SGSM1: variants seen among roughly 807,000 people sequenced by gnomAD.
The protein encoded by SGSM1 is RUN and TBC1 domain containing 2.
In SGSM1, 73 loss-of-function variants were observed where a neutral mutation model predicts 133.8. The ratio of observed to expected loss-of-function variants is 0.55; its 90% confidence interval spans 0.45 to 0.66. The LOEUF is 0.66. Ranked by LOEUF, SGSM1 falls within the 30% of genes least tolerant of loss-of-function variation. The pLI is 0.00. For missense variants in SGSM1, 1,213 were observed against 1,448.1 expected (o/e 0.84, Z 2.64); for synonymous variants, 563 against 573.0 (o/e 0.98, Z 0.25).
intron 2 of SGSM1, among the ~76,000 whole-genome samples, chr22:24,825,350 T>G (rs1928737127): frequency 6.6e-6 from 1 of 152,186 alleles, no homozygotes; most frequent in Non-Finnish European, 1.5e-5. Flanking sequence ...TCCTTCCCAT[T>G]GCTCCAGTGG....
chr22:24,888,502 T>C (rs937022361), intron 16 of SGSM1, among the ~76,000 whole-genome samples: 3 of 152,188 alleles, frequency 2.0e-5, no homozygotes, highest in Non-Finnish European at 4.4e-5. Context: ...GCACGGTGGC[T>C]CACGTCTATA....
intron 21 of SGSM1, among the ~76,000 whole-genome samples, chr22:24,907,911 C>CAAAAAAA (rs796505229): frequency 1.4e-4 from 8 of 57,050 alleles, no homozygotes; most frequent in African/African-American, 2.5e-4. Flanking sequence ...GACGCCATCT[C>CAAAAAAA]AAAAAAAAAA....
chr22:24,808,077 G>T (rs928248428), intron 2 of SGSM1, among the ~76,000 whole-genome samples: 3 of 151,284 alleles, frequency 2.0e-5, no homozygotes, highest in East Asian at 1.9e-4. Flanking sequence ...TTCCAAGGGA[G>T]ATCCATCTAG....
chr22:24,854,328 T>C (rs1930651098), intron 5 of SGSM1, among the ~76,000 whole-genome samples: 1 of 152,202 alleles, frequency 6.6e-6, no homozygotes, highest in Admixed American at 6.5e-5. Flanking sequence ...GCAGACATCA[T>C]CTGAGCCTCT....
intron 2 of SGSM1, among the ~76,000 whole-genome samples, chr22:24,832,903 A>G (rs1330686389): frequency 1.3e-5 from 2 of 151,138 alleles, no homozygotes; most frequent in Admixed American, 1.3e-4. Flanking sequence ...CCTGATCTTC[A>G]CATGATCTTC....
chr22:24,909,543 C>G (rs1933541040), intron 21 of SGSM1, among the ~76,000 whole-genome samples: 1 of 152,028 alleles, frequency 6.6e-6, no homozygotes, highest in African/African-American at 2.4e-5. Context: ...GCAACCTCCA[C>G]CTCCTGGGTT....
intron 10 of SGSM1, among the ~76,000 whole-genome samples, chr22:24,867,601 C>T (rs1931529050): frequency 6.6e-6 from 1 of 152,178 alleles, no homozygotes; most frequent in Non-Finnish European, 1.5e-5. Context: ...AGCTCCAGAG[C>T]CGGGACTGGA....
intron 4 of SGSM1, among the ~76,000 whole-genome samples, chr22:24,849,026 G>A (rs568643902): frequency 1.7e-4 from 26 of 152,204 alleles, no homozygotes; most frequent in Non-Finnish European, 3.1e-4. Context: ...GATTAGATTT[G>A]TCATGGGCCT....
At chr22:24,855,712 C>A in intron 8 of SGSM1, 32 bp downstream of exon 8, 1 of 1,613,954 alleles carries the variant, frequency 6.2e-7, no homozygotes, top group Non-Finnish European at 8.5e-7. Context: ...AGATCTTGCA[C>A]TGAGGGTCTC....
chr22:24,919,243 G>T (rs989944538), intron 23 of SGSM1, among the ~76,000 whole-genome samples: 1 of 151,550 alleles, frequency 6.6e-6, no homozygotes, highest in Non-Finnish European at 1.5e-5. Context: ...TCGAGATGGG[G>T]GTTTCACCAT....
chr22:24,853,753 C>G (rs1601923857), intron 5 of SGSM1, among the ~76,000 whole-genome samples: 1 of 151,118 alleles, frequency 6.6e-6, no homozygotes, highest in Middle Eastern at 3.4e-3. Context: ...ACTACAGGCA[C>G]CACCACGCCT....
At position 24,893,497 on chromosome 22, in the gene SGSM1, G is replaced by A. The variant is rs755492483; in HGVS notation, c.1837G>A (p.Val613Met). 20 of 1,613,556 alleles carry A rather than the reference G, an allele frequency of 1.2e-5. No individual in the cohort carries two copies. Among genetic ancestry groups the A allele is most frequent in the South Asian group, 1.1e-4 (10 of 91,070 alleles). ...TGAGTGGCTGGGCTGCGAGGCGATC[G>A]TGCGGCAGAGGGAGCGGGAGTCCCA... ...MAEWLGCEAI[V>M]RQRERESHAA... is the part of the protein sequence containing the mutation. The change falls in exon 17 of 25, where the codon GTG becomes ATG. Residue 613 changes from valine to methionine, a missense_variant. Coordinates refer to ENST00000400358, the MANE Select transcript of SGSM1 (RefSeq NM_001098497.3).
At chr22:24,856,784 T>TC (rs1421959472) in intron 8 of SGSM1, among the ~76,000 whole-genome samples, 2 of 150,792 alleles carry the variant, frequency 1.3e-5, no homozygotes, top group Non-Finnish European at 2.9e-5. Context: ...TTTTTTTTTT[T>TC]CTGAGACAGA....
chr22:24,845,175 G>C (rs1930027871), intron 3 of SGSM1, among the ~76,000 whole-genome samples: 1 of 152,076 alleles, frequency 6.6e-6, no homozygotes, highest in Non-Finnish European at 1.5e-5. Flanking sequence ...GGTCAGTGTG[G>C]TTAACACCAG....
chr22:24,877,802 C>CTT (rs36036968), intron 13 of SGSM1, among the ~76,000 whole-genome samples: 4,476 of 75,402 alleles, frequency 0.059, 765 homozygotes, highest in Admixed American at 0.096. Flanking sequence ...TTCTTTCTTT[C>CTT]TTTTTTTTTT....
intron 15 of SGSM1, among the ~76,000 whole-genome samples, chr22:24,885,116 G>A (rs1300425390): frequency 1.5e-5 from 2 of 131,956 alleles, no homozygotes; most frequent in Admixed American, 7.9e-5. Context: ...TGTATTTTAA[G>A]TAGAGACGGG....
In SGSM1 at chr22:24,902,356, C is replaced by T. The variant is rs565786639; in HGVS notation, c.2735+399C>T. Among the ~76,000 whole-genome samples, 11 of 151,984 alleles carry T rather than the reference C, an allele frequency of 7.2e-5. No homozygotes were observed. The East Asian group carries it at 2.1e-3, about 29-fold the overall frequency. On this transcript the variant is annotated intron_variant, in intron 20 of 24. Transcript: ENST00000400358. ...CTATTTTTCTTTAAGCCAAGATCTA[C>T]GACTGGTTATTACTGTTCACTAAAA...
chr22:24,859,555 A>T (rs1399109475), intron 8 of SGSM1, 161 bp from the exon 9 acceptor site: 2 of 988,876 alleles, frequency 2.0e-6, no homozygotes, highest in African/African-American at 1.6e-5. Flanking sequence ...TAGCATGGCC[A>T]TCTGGAAGGA....
At chr22:24,829,229 G>T (rs771742374) in intron 2 of SGSM1, among the ~76,000 whole-genome samples, 3 of 151,788 alleles carry the variant, frequency 2.0e-5, no homozygotes, top group Non-Finnish European at 1.5e-5. Context: ...CATATCCTTC[G>T]CAGGAGCAGG....
Sources: gnomAD v4.1 joint callset for allele counts (sites outside exome capture counted in the v4.1 genomes callset) on GRCh38, gnomAD v4.1.1 for gene constraint, MANE v1.5 for transcripts, NCBI Gene and HGNC (gene_info 2026-07-23, HGNC 2026-07-21) for gene names.